EYS: variants seen among roughly 807,000 people sequenced by gnomAD.
EYS encodes protein eyes shut homolog.
EYS carries 250 observed loss-of-function variants against 282.1 expected under a neutral mutation model. The observed-to-expected ratio is 0.89, with a 90% CI of 0.80 to 0.98. EYS has a LOEUF of 0.98. Ranked by LOEUF, EYS falls within the 50% of genes least tolerant of loss-of-function variation. The probability of loss-of-function intolerance (pLI) is 0.00; values close to 1 mark genes in which losing one functional copy is unlikely to be tolerated. For synonymous variants in EYS, 1,355 were observed against 1,282.9 expected (o/e 1.06, Z -1.20); for missense variants, 4,016 against 3,709.0 (o/e 1.08, Z -2.15).
intron 13 of EYS, among the ~76,000 whole-genome samples, chr6:64,999,552 T>A (rs1445109172): frequency 6.6e-6 from 1 of 152,182 alleles, no homozygotes; most frequent in Non-Finnish European, 1.5e-5. Context: ...CCTGCCTTTA[T>A]GCCAGAATGT....
intron 26 of EYS, among the ~76,000 whole-genome samples, chr6:64,545,413 C>A (rs1486756132): frequency 6.6e-6 from 1 of 152,176 alleles, no homozygotes; most frequent in Non-Finnish European, 1.5e-5. Context: ...CAGCCAATAT[C>A]ATACCGAATG....
At chr6:64,152,565 G>T (rs962620195) in intron 31 of EYS, among the ~76,000 whole-genome samples, 25 of 152,064 alleles carry the variant, frequency 1.6e-4, no homozygotes, top group Admixed American at 1.6e-3. Flanking sequence ...GATGTCTCTG[G>T]ATTTGAAGCT....
chr6:64,328,181 C>T (rs1770500823), intron 29 of EYS, among the ~76,000 whole-genome samples: 1 of 152,192 alleles, frequency 6.6e-6, no homozygotes, highest in Non-Finnish European at 1.5e-5. Flanking sequence ...TCCTAATTCA[C>T]AATCCTACCT....
chr6:65,099,840 T>C (rs866539867), intron 12 of EYS, among the ~76,000 whole-genome samples: 4 of 150,874 alleles, frequency 2.7e-5, no homozygotes, highest in Middle Eastern at 3.4e-3. Flanking sequence ...CTCAATAACT[T>C]ATTTTATCAA....
At chr6:63,770,959 G>C (rs771951806) in intron 40 of EYS, among the ~76,000 whole-genome samples, 1 of 152,090 alleles carries the variant, frequency 6.6e-6, no homozygotes, top group Non-Finnish European at 1.5e-5. Flanking sequence ...ACTCACCTAG[G>C]TCCTTGGTGA....
Position 64,388,918 on chromosome 6 carries a change from C to T in EYS, c.5928-78G>A, listed in dbSNP as rs1773003490. 3 of 925,560 alleles carry T rather than the reference C, an allele frequency of 3.2e-6. No homozygotes were observed. The East Asian group carries it at 9.5e-5, about 29-fold the overall frequency. 57.3% of individuals were successfully genotyped at this position (925,560 alleles called of 1,614,324 possible). A position where few individuals can be genotyped will look rare whatever the true frequency, so the allele number is the denominator to read the frequency against. On this transcript the variant is annotated intron_variant, in intron 28 of 42. Transcript: ENST00000503581. ...TCTGACAAATTAATTAAACTATTAT[C>T]AAAAGAATAATTTAAGTAAATAGAT...
intron 12 of EYS, among the ~76,000 whole-genome samples, chr6:65,270,074 T>C (rs542673525): frequency 7.9e-5 from 12 of 152,300 alleles, no homozygotes; most frequent in African/African-American, 2.6e-4. Context: ...TAGGTGCAAC[T>C]TGAAAGCCAA....
At chr6:65,274,482 A>G (rs9453241) in intron 12 of EYS, among the ~76,000 whole-genome samples, 6,129 of 152,242 alleles carry the variant, frequency 0.04, 182 homozygotes, top group African/African-American at 0.083. Flanking sequence ...TGTCCCTAGT[A>G]TACAGCTATT....
chr6:64,698,278 A>T (rs1770655687), intron 22 of EYS, among the ~76,000 whole-genome samples: 1 of 152,162 alleles, frequency 6.6e-6, no homozygotes, highest in South Asian at 2.1e-4. Flanking sequence ...TGAACTAAAA[A>T]AATAGGAACA....
At chr6:64,033,388 A>T (rs1398659530) in intron 33 of EYS, among the ~76,000 whole-genome samples, 1 of 152,214 alleles carries the variant, frequency 6.6e-6, no homozygotes, top group Non-Finnish European at 1.5e-5. Context: ...AGAGATAAAG[A>T]TGAAAGTGAA....
chr6:64,439,335 A>G lies in EYS; in HGVS notation c.5662T>C (p.Tyr1888His), dbSNP rs1774858505. The change falls in exon 27 of 43, where the codon TAT (tyrosine) becomes CAT (histidine). Residue 1888 changes from tyrosine (Y) to histidine (H), a missense_variant. By Grantham distance (83) the Tyr-to-His change is moderately conservative. Coordinates refer to ENST00000503581, the MANE Select transcript of EYS (RefSeq NM_001142800.2). Reference sequence around the variant, plus strand: ...AATTCTAGATAAGAATCTCCATAATAACGAACACAACTGAAATCTGTGGAG... The same window carrying G: ...AATTCTAGATAAGAATCTCCATAATGACGAACACAACTGAAATCTGTGGAG... ...LMISDFSCVR[Y>H]YGDSYLEFQN... The G allele has an allele frequency of 6.6e-7, 1 of 1,505,408 alleles. No individual in the cohort carries two copies. The highest frequency in any genetic ancestry group is 8.8e-7 in the Non-Finnish European group (1 of 1,130,540). 93.3% of individuals were successfully genotyped at this position (1,505,408 alleles called of 1,614,324 possible).
At chr6:65,083,612 AC>A (rs1774285272) in intron 12 of EYS, among the ~76,000 whole-genome samples, 1 of 151,820 alleles carries the variant, frequency 6.6e-6, no homozygotes, top group African/African-American at 2.4e-5. Flanking sequence ...TACTTTTTCA[AC>A]CCTGTTTTCC....
chr6:64,497,142 C>T (rs189130955), intron 26 of EYS, among the ~76,000 whole-genome samples: 2 of 152,198 alleles, frequency 1.3e-5, no homozygotes, highest in East Asian at 1.9e-4. Context: ...GTATAAAAGA[C>T]TTCAAAATAC....
chr6:64,821,308 C>A (rs534652607), intron 21 of EYS, among the ~76,000 whole-genome samples: 9 of 152,038 alleles, frequency 5.9e-5, no homozygotes, highest in African/African-American at 1.9e-4. Context: ...CTCCTAAGAC[C>A]AGGGAGGACG....
intron 33 of EYS, among the ~76,000 whole-genome samples, chr6:64,014,515 T>A (rs1180465586): frequency 6.6e-6 from 1 of 152,140 alleles, no homozygotes; most frequent in Non-Finnish European, 1.5e-5. Flanking sequence ...TTATGTTTAA[T>A]CCAGTGAAGT....
chr6:64,977,457 C>T (rs1159396734), intron 14 of EYS, among the ~76,000 whole-genome samples: 1 of 151,746 alleles, frequency 6.6e-6, no homozygotes, highest in Non-Finnish European at 1.5e-5. Context: ...GCTAAAGCTT[C>T]CCCATATCCT....
chr6:65,315,484 A>T (rs1769273657), intron 11 of EYS, among the ~76,000 whole-genome samples: 1 of 152,080 alleles, frequency 6.6e-6, no homozygotes, highest in Non-Finnish European at 1.5e-5. Context: ...TGTTACGCTC[A>T]TTCTAACACT....
intron 8 of EYS, among the ~76,000 whole-genome samples, chr6:65,384,020 TA>T (rs1184281283): frequency 1.3e-5 from 2 of 151,988 alleles, no homozygotes; most frequent in East Asian, 3.9e-4. Flanking sequence ...AACTATTCAC[TA>T]AAAAAGCATA....
At chr6:65,124,819 G>C (rs77896960) in intron 12 of EYS, among the ~76,000 whole-genome samples, 3,913 of 152,258 alleles carry the variant, frequency 0.026, 183 homozygotes, top group African/African-American at 0.09. Context: ...CACAGATGCT[G>C]TCCCCCATTA....
Sources: allele counts gnomAD v4.1 joint callset (sites outside exome capture counted in the v4.1 genomes callset), GRCh38; gene constraint gnomAD v4.1.1; transcripts MANE v1.5; gene names NCBI Gene and HGNC (gene_info 2026-07-23, HGNC 2026-07-21).